The following HLA-B variants were observed in gnomAD, a reference collection of about 807,000 sequenced individuals.
HLA-B encodes major histocompatibility complex, class I, B.
Under a neutral mutation model 41.5 loss-of-function variants are expected in HLA-B, and 31 were observed. The observed-to-expected ratio is 0.75, with a 90% CI of 0.56 to 1.01. HLA-B has a LOEUF of 1.01. Among genes scored for constraint, HLA-B ranks in the 50% least tolerant of loss-of-function variants. HLA-B has a pLI of 0.00. For missense variants in HLA-B, 369 were observed against 457.2 expected (o/e 0.81, Z 1.76); for synonymous variants, 138 against 189.0 (o/e 0.73, Z 2.21).
rs709054 is a variant in HLA-B at position 31,356,309 on chromosome 6, G to A, written c.477C>T (p.Ala159=). Residue 159 remains alanine, a synonymous_variant, in exon 3 of 8, where the codon GCC becomes GCT. Transcript: ENST00000412585. ...GGGTGATCTGAGCCGCCGTGTCCGC[G>A]GCGGTCCAGGAGCGCAGGTCCTCGT... The part of the protein sequence containing the change: ...ALNEDLRSWT[A]ADTAAQITQR... 8.0e-3 allele frequency: 9,785 copies of A among 1,221,346 alleles called. 476 individuals are homozygous for A. The highest frequency in any genetic ancestry group is 0.043 in the South Asian group (3,177 of 73,250). The allele number at this position is 1,221,346 out of a possible 1,614,324, so 75.7% of individuals were successfully genotyped here. A position where few individuals can be genotyped will look rare whatever the true frequency, so the allele number is the denominator to read the frequency against.
chr6:31,356,266 C>G lies in HLA-B; in HGVS notation c.520G>C (p.Ala174Pro), dbSNP rs151341291. The G allele has an allele frequency of 1.5e-6, 2 of 1,352,558 alleles. No homozygotes were observed. Among genetic ancestry groups the G allele is most frequent in the Non-Finnish European group, 1.9e-6 (2 of 1,028,134 alleles). The allele number at this position is 1,352,558 out of a possible 1,614,324, so 83.8% of individuals were successfully genotyped here. Residue 174 changes from alanine to proline, a missense_variant, in exon 3 of 8, where the codon GCC (alanine) becomes CCC (proline). By Grantham distance (27) the Ala-to-Pro change is conservative. Around this residue, in one of 6 missense-constraint regions of HLA-B, gnomAD observed 76 missense variants for 62.4 expected, o/e 1.22. Transcript: ENST00000412585. The part of the protein sequence containing the change: ...AQITQRKWEA[A>P]REAEQRRAYL... ...GCTCTCCGCTGCTCCGCCTCACGGG[C>G]CGCCTCCCACTTGCGCTGGGTGATC...
chr6:31,354,538 CA>C lies in HLA-B; in HGVS notation c.1046-13del. ...GGCACTGTCGCTGCCTGGAGTAGAACAAAAACAGGACCTGGTCAGAGCCCGC... is the reference window on the plus strand; with the variant it reads ...GGCACTGTCGCTGCCTGGAGTAGAACAAAACAGGACCTGGTCAGAGCCCGC... On this transcript the variant is annotated splice_polypyrimidine_tract_variant and intron_variant, in intron 6 of 7. Coordinates refer to ENST00000412585, the MANE Select transcript of HLA-B (RefSeq NM_005514.8). 13 of 1,359,104 alleles carry C rather than the reference CA, an allele frequency of 9.6e-6. No homozygotes were observed. Among genetic ancestry groups the C allele is most frequent in the Admixed American group, 4.7e-5 (2 of 42,152 alleles). 84.2% of individuals were successfully genotyped at this position (1,359,104 alleles called of 1,614,324 possible).
At chr6:31,356,598 G>T (rs41563615) in intron 2 of HLA-B, 90 bp downstream of exon 2, 64,382 of 1,121,372 alleles carry the variant, frequency 0.057, 8,897 homozygotes, top group East Asian at 0.1. Flanking sequence ...CCTCAGGGAG[G>T]CGGATCTCGG....
chr6:31,356,860 G>C lies in HLA-B; in HGVS notation c.171C>G (p.Phe57Leu), dbSNP rs41546213. 2.5e-6 allele frequency: 3 copies of C among 1,185,252 alleles called. 1 individual carries two copies. Among genetic ancestry groups the C allele is most frequent in the South Asian group, 1.6e-5 (1 of 63,688 alleles). The allele number at this position is 1,185,252 out of a possible 1,614,324, so 73.4% of individuals were successfully genotyped here. A position where few individuals can be genotyped will look rare whatever the true frequency, so the allele number is the denominator to read the frequency against. ...ISVGYVDDTQ[F>L]VRFDSDAASP... ...TCGCGGCGTCGCTGTCGAACCTCAC[G>C]AACTGGGTGTCGTCCACGTAGCCCA... The change falls in exon 2 of 8, where the codon TTC becomes TTG. Residue 57 changes from phenylalanine to leucine, a missense_variant. By Grantham distance (22) the Phe-to-Leu change is conservative. Transcript: ENST00000412585.
chr6:31,357,123 C>T lies in HLA-B; in HGVS notation c.36G>A (p.Leu12=), dbSNP rs144862331. Residue 12 remains leucine, a synonymous_variant, in exon 1 of 8, where the codon CTG becomes CTA. Coordinates refer to ENST00000412585, the MANE Select transcript of HLA-B (RefSeq NM_005514.8). ...CGGTCAGGGCCAGGGCCGCCGAGAGCAGCAGGAGGACGGTTCGGGGCGCCA... is the reference window on the plus strand; with the variant it reads ...CGGTCAGGGCCAGGGCCGCCGAGAGTAGCAGGAGGACGGTTCGGGGCGCCA... The part of the protein sequence containing the change: ...LVMAPRTVLL[L]LSAALALTET... The T allele has an allele frequency of 4.2e-4, 375 of 893,012 alleles. 141 individuals carry two copies. Among genetic ancestry groups the T allele is most frequent in the Non-Finnish European group, 5.3e-4 (365 of 691,514 alleles). The allele number at this position is 893,012 out of a possible 1,614,324, so 55.3% of individuals were successfully genotyped here.
Position 31,356,307 on chromosome 6 carries a change from G to GGACA in HLA-B, c.478_479insTGTC (p.Ala160ValfsTer18). 7.4e-7 allele frequency: 1 copy of GGACA among 1,354,092 alleles called. No individual in the cohort carries two copies. The highest frequency in any genetic ancestry group is 9.7e-7 in the Non-Finnish European group (1 of 1,032,572). The allele number at this position is 1,354,092 out of a possible 1,614,324, so 83.9% of individuals were successfully genotyped here. On this transcript the variant is annotated frameshift_variant, in exon 3 of 8. Coordinates refer to ENST00000412585, the MANE Select transcript of HLA-B (RefSeq NM_005514.8). LOFTEE classifies it high-confidence loss of function. ...CTGGGTGATCTGAGCCGCCGTGTCC[G>GGACA]CGGCGGTCCAGGAGCGCAGGTCCTC...
At position 31,354,657 on chromosome 6, in the gene HLA-B, CT is replaced by C; in HGVS notation, c.1020del (p.Gly341GlufsTer31). On this transcript the variant is annotated frameshift_variant, in exon 6 of 8. Coordinates refer to ENST00000412585, the MANE Select transcript of HLA-B (RefSeq NM_005514.8). LOFTEE classifies it high-confidence loss of function. ...VMCRRKSSGGKGGSYSQAACS... is the reference protein window; with the variant it reads ...VMCRRKSSGGXGGSYSQAACS... The stretch of plus-strand genomic sequence containing the variant: ...CACGCAGCCTGAGAGTAGCTCCCTC[CT>C]TTTCCACCTGTGGGAAGAAAATGTC... 10 of 1,395,284 alleles carry C rather than the reference CT, an allele frequency of 7.2e-6. No homozygotes were observed. The highest frequency in any genetic ancestry group is 3.3e-5 in the East Asian group (1 of 30,448). The allele number at this position is 1,395,284 out of a possible 1,614,324, so 86.4% of individuals were successfully genotyped here. A position where few individuals can be genotyped will look rare whatever the true frequency, so the allele number is the denominator to read the frequency against.
chr6:31,354,423 G>GGCCCCCCCCCCC, intron 7 of HLA-B, 56 bp downstream of exon 7: 2 of 318,270 alleles, frequency 6.3e-6, no homozygotes, highest in African/African-American at 4.6e-5. Flanking sequence ...TTTCCCCTCT[G>GGCCCCCCCCCCC]CCCCACCCAC....
chr6:31,356,215 A>C lies in HLA-B; in HGVS notation c.571T>G (p.Trp191Gly), dbSNP rs41551517. ...CCGTTCTCCAGGTATCTGCGGAGCC[A>C]CTCCACGCACTCGCCCTCCAGGTAG... ...RAYLEGECVE[W>G]LRRYLENGKD... The change falls in exon 3 of 8, where the codon TGG becomes GGG. Residue 191 changes from tryptophan (W) to glycine (G), a missense_variant. By Grantham distance (184) the Trp-to-Gly change is radical (BLOSUM62 -2). Around this residue, in one of 6 missense-constraint regions of HLA-B, gnomAD observed 76 missense variants for 62.4 expected, o/e 1.22. Transcript: ENST00000412585. The C allele has an allele frequency of 4.3e-5, 51 of 1,173,390 alleles. No homozygotes were observed. The East Asian group carries it at 1.0e-3, about 24-fold the overall frequency. 72.7% of individuals were successfully genotyped at this position (1,173,390 alleles called of 1,614,324 possible).
intron 7 of HLA-B, 56 bp downstream of exon 7, chr6:31,354,423 G>GCCCCCCCCCCCCCCCCCCCCC: frequency 3.1e-6 from 1 of 318,276 alleles, no homozygotes; most frequent in South Asian, 2.4e-5. Flanking sequence ...TTTCCCCTCT[G>GCCCCCCCCCCCCCCCCCCCCC]CCCCACCCAC....
chr6:31,354,445 C>T (rs1554209855), intron 7 of HLA-B, 34 bp downstream of exon 7: 1 of 532,350 alleles, frequency 1.9e-6, no homozygotes. Flanking sequence ...CCCAGACCCG[C>T]CACCCCACCC....
In HLA-B at chr6:31,356,309, G is replaced by C. The variant is rs709054; in HGVS notation, c.477C>G (p.Ala159=). ...GGGTGATCTGAGCCGCCGTGTCCGC[G>C]GCGGTCCAGGAGCGCAGGTCCTCGT... ...ALNEDLRSWT[A]ADTAAQITQR... Residue 159 remains alanine, a synonymous_variant, in exon 3 of 8, where the codon GCC becomes GCG. Transcript: ENST00000412585. The C allele has an allele frequency of 0.19, 195,120 of 1,021,000 alleles. 34,115 individuals carry two copies. Among genetic ancestry groups the C allele is most frequent in the African/African-American group, 0.3 (8,603 of 28,976 alleles). The allele number at this position is 1,021,000 out of a possible 1,614,324, so 63.2% of individuals were successfully genotyped here.
chr6:31,355,170 C>A lies in HLA-B; in HGVS notation c.949G>T (p.Val317Phe). ...GCTCCGATGACCACAACTGCTAGGA[C>A]AGCCAGGCCAGCAACAATGCCCACG... is the stretch of plus-strand genomic sequence containing the variant. ...PIVGIVAGLAVLAVVVIGAVV... is the reference protein window; with the variant it reads ...PIVGIVAGLAFLAVVVIGAVV... Residue 317 changes from valine (V) to phenylalanine (F), a missense_variant, in exon 5 of 8, where the codon GTC (valine) becomes TTC (phenylalanine). This residue lies in a region of HLA-B where 115 missense variants were observed against 78.7 expected (regional missense o/e 1.46). Transcript: ENST00000412585. 8.1e-7 allele frequency: 1 copy of A among 1,237,504 alleles called. No individual in the cohort carries two copies. Among genetic ancestry groups the A allele is most frequent in the Non-Finnish European group, 1.0e-6 (1 of 978,108 alleles). The allele number at this position is 1,237,504 out of a possible 1,614,324, so 76.7% of individuals were successfully genotyped here.
In HLA-B at chr6:31,355,168, G is replaced by A. The variant is rs760080514; in HGVS notation, c.951C>T (p.Val317=). The change falls in exon 5 of 8, where the codon GTC becomes GTT. Residue 317 remains valine (V), a synonymous_variant. Coordinates refer to ENST00000412585, the MANE Select transcript of HLA-B (RefSeq NM_005514.8). ...PIVGIVAGLA[V]LAVVVIGAVV... The stretch of plus-strand genomic sequence containing the variant: ...CAGCTCCGATGACCACAACTGCTAG[G>A]ACAGCCAGGCCAGCAACAATGCCCA... 3 of 1,240,426 alleles carry A rather than the reference G, an allele frequency of 2.4e-6. 1 individual carries two copies. The South Asian group carries it at 5.8e-5, about 24-fold the overall frequency. 76.8% of individuals were successfully genotyped at this position (1,240,426 alleles called of 1,614,324 possible). A position where few individuals can be genotyped will look rare whatever the true frequency, so the allele number is the denominator to read the frequency against.
intron 3 of HLA-B, chr6:31,355,937 CT>C: frequency 1.9e-6 from 1 of 529,112 alleles, no homozygotes; most frequent in African/African-American, 2.5e-5. Flanking sequence ...AAGGGGACCC[CT>C]GATCAGTATT....
chr6:31,356,425 T>C lies in HLA-B; in HGVS notation c.361A>G (p.Ser121Gly), dbSNP rs41556417. 2.9e-3 allele frequency: 2,616 copies of C among 904,120 alleles called. 25 individuals are homozygous for C. The highest frequency in any genetic ancestry group is 9.0e-3 in the South Asian group (455 of 50,606). The allele number at this position is 904,120 out of a possible 1,614,324, so 56.0% of individuals were successfully genotyped here. Residue 121 changes from serine to glycine, a missense_variant, in exon 3 of 8, where the codon AGC becomes GGC. Around this residue, in one of 6 missense-constraint regions of HLA-B, gnomAD observed 113 missense variants for 173.2 expected, o/e 0.65. Coordinates refer to ENST00000412585, the MANE Select transcript of HLA-B (RefSeq NM_005514.8). The stretch of plus-strand genomic sequence containing the variant: ...GGCCCCACGTCGCAGCCGTACATGC[T>C]CTGGAGGGTGTGAGACCCTGGCCCC... ...QSEAGSHTLQSMYGCDVGPDG... is the reference protein window; with the variant it reads ...QSEAGSHTLQGMYGCDVGPDG...
In HLA-B at chr6:31,356,401, GC is replaced by G; in HGVS notation, c.384del (p.Pro129ArgfsTer22). ...TGCCCGCGGAGGAGGCGCCCGTCCG[GC>G]CCCACGTCGCAGCCGTACATGCTCT... ...TLQSMYGCDV[G>X]PDGRLLRGHD... is the part of the protein sequence containing the mutation. On this transcript the variant is annotated frameshift_variant, in exon 3 of 8. Transcript: ENST00000412585. LOFTEE classifies it high-confidence loss of function. The G allele has an allele frequency of 3.1e-6, 3 of 969,160 alleles. No individual in the cohort carries two copies. Among genetic ancestry groups the G allele is most frequent in the South Asian group, 1.8e-5 (1 of 54,866 alleles). 60.0% of individuals were successfully genotyped at this position (969,160 alleles called of 1,614,324 possible). A position where few individuals can be genotyped will look rare whatever the true frequency, so the allele number is the denominator to read the frequency against.
At chr6:31,355,002 G>GTGGA in intron 5 of HLA-B, 105 bp downstream of exon 5, 3 of 371,700 alleles carry the variant, frequency 8.1e-6, no homozygotes, top group Non-Finnish European at 1.3e-5. Flanking sequence ...TAGCCCCTGT[G>GTGGA]TGCATGCTGC....
intron 5 of HLA-B, 40 bp from the exon 6 acceptor site, chr6:31,354,705 G>GGAGT: frequency 9.3e-7 from 1 of 1,080,964 alleles, no homozygotes; most frequent in South Asian, 1.3e-5. Context: ...CTGGGAGGAA[G>GGAGT]CAGGGCCATG....
Sources: gnomAD v4.1 joint callset for allele counts on GRCh38, gnomAD v4.1.1 for gene constraint, gnomAD v4.1.1 regional missense constraint, MANE v1.5 for transcripts, NCBI Gene and HGNC (gene_info 2026-07-23, HGNC 2026-07-21) for gene names.